Variants in DDX5 observed in about 807,000 individuals in gnomAD.
The protein encoded by DDX5 is probable ATP-dependent RNA helicase DDX5.
Under a neutral mutation model 68.6 loss-of-function variants are expected in DDX5, and 6 were observed. That is an observed-to-expected ratio of 0.09 (90% CI 0.05 to 0.17). The LOEUF (loss-of-function observed/expected upper bound fraction) is 0.17. DDX5 is among the 10% of genes least tolerant of loss of function. The pLI is 1.00. For synonymous variants in DDX5, 350 were observed against 247.0 expected (o/e 1.42, Z -3.91); for missense variants, 499 against 756.1 (o/e 0.66, Z 3.99).
Position 64,503,842 on chromosome 17 carries a change from G to A in DDX5, c.468C>T (p.Ile156=). The change falls in exon 5 of 13, where the codon ATC becomes ATT. Residue 156 remains isoleucine, a synonymous_variant. Coordinates refer to ENST00000225792, the MANE Select transcript of DDX5 (RefSeq NM_004396.5). ...LSYLLPAIVH[I]NHQPFLERGD... ...CTCTCTCTAGGAATGGCTGATGATT[G>A]ATGTGGACAATGGCAGGAAGCAAAT... 1 of 1,614,226 alleles carries A rather than the reference G, an allele frequency of 6.2e-7. No individual in the cohort carries two copies. The highest frequency in any genetic ancestry group is 8.5e-7 in the Non-Finnish European group (1 of 1,180,042).
chr17:64,502,287 C>CA (rs1555671234), intron 9 of DDX5, 64 bp from the exon 10 acceptor site: 1 of 1,568,960 alleles, frequency 6.4e-7, no homozygotes, highest in Non-Finnish European at 8.8e-7. Flanking sequence ...CAGTGCTTGA[C>CA]CACTTTTGGT....
In DDX5 at chr17:64,500,344, G is replaced by T. The variant is rs200178078; in HGVS notation, c.1442-18C>A. 3 of 1,589,772 alleles carry T rather than the reference G, an allele frequency of 1.9e-6. No individual in the cohort carries two copies. The African/African-American group carries it at 4.1e-5, about 21-fold the overall frequency. On this transcript the variant is annotated intron_variant, in intron 12 of 12. Coordinates refer to ENST00000225792, the MANE Select transcript of DDX5 (RefSeq NM_004396.5). ...GGAACGACCTGTCAAGAAAACAATT[G>T]CAAATTGATCAATTATGTCTATGAC...
rs985196446 is a variant in DDX5 at position 64,502,372 on chromosome 17, T to C, written c.1094+67A>G. The C allele has an allele frequency of 3.3e-5, 48 of 1,447,730 alleles. No homozygotes were observed. In the African/African-American group the frequency reaches 6.5e-4, roughly 20 times the overall value. 89.7% of individuals were successfully genotyped at this position (1,447,730 alleles called of 1,614,324 possible). ...AGATATGAAAAAAATCCACTGCTCG[T>C]GATCCAAGTTTGCCCTTTCCTAAGC... On this transcript the variant is annotated intron_variant, in intron 9 of 12. Transcript: ENST00000225792.
chr17:64,506,604 T>G (rs2038540314), upstream of DDX5: 4 of 383,346 alleles, frequency 1.0e-5, no homozygotes, highest in South Asian at 1.1e-4. Context: ...GATGTTTACG[T>G]CTCCAAAGAG....
rs782113646 is a variant in DDX5, at chr17:64,506,181, G to A, written c.-62C>T. 7.6e-6 allele frequency: 12 copies of A among 1,588,750 alleles called. No homozygotes were observed. The East Asian group carries it at 2.5e-4, about 33-fold the overall frequency. On this transcript the variant is annotated 5_prime_UTR_variant, in exon 1 of 13. Transcript: ENST00000225792. ...ATAGAAAAGCGTGCGACAAGTCGCT[G>A]GAAATGGCCTCGATGACGGCGAAGC...
In DDX5 at chr17:64,504,799, A is replaced by G. The variant is rs781858916; in HGVS notation, c.88T>C (p.Ser30Pro). 8 of 1,613,818 alleles carry G rather than the reference A, an allele frequency of 5.0e-6. No individual in the cohort carries two copies. The highest frequency in any genetic ancestry group is 4.0e-5 in the African/African-American group (3 of 74,904). Residue 30 changes from serine to proline, a missense_variant, in exon 2 of 13, where the codon TCT (serine) becomes CCT (proline). Around this residue, in one of 5 missense-constraint regions of DDX5, gnomAD observed 140 missense variants for 135.7 expected, o/e 1.03. Coordinates refer to ENST00000225792, the MANE Select transcript of DDX5 (RefSeq NM_004396.5). ...CCAGGGTTTCCAAACTTCTTTCCAG[A>G]TAAGGGCCCTGCCCTACTTCCTCCA... is the stretch of plus-strand genomic sequence containing the variant. ...RFGGSRAGPL[S>P]GKKFGNPGEK...
In DDX5 at chr17:64,506,159, G is replaced by A. The variant is rs1192890550; in HGVS notation, c.-40C>T. 15 of 1,603,500 alleles carry A rather than the reference G, an allele frequency of 9.4e-6. No homozygotes were observed. Among genetic ancestry groups the A allele is most frequent in the Middle Eastern group, 1.6e-4 (1 of 6,082 alleles). On this transcript the variant is annotated 5_prime_UTR_variant, in exon 1 of 13. Transcript: ENST00000225792. Reference sequence around the variant, plus strand: ...CGGTTGGCGGGGAACGAAGTATATAGAAAAGCGTGCGACAAGTCGCTGGAA... The same window carrying A: ...CGGTTGGCGGGGAACGAAGTATATAAAAAAGCGTGCGACAAGTCGCTGGAA...
rs1440633188 is a variant in DDX5 at position 64,503,103 on chromosome 17, TG to T, written c.811-6del. ...CATTAGAGTTTGCCTATCAGGCTAA[TG>T]GATTTTGGGGGGAAAAATTAGTATC... On this transcript the variant is annotated splice_polypyrimidine_tract_variant and splice_region_variant and intron_variant, in intron 7 of 12. Transcript: ENST00000225792. 3 of 1,612,628 alleles carry T rather than the reference TG, an allele frequency of 1.9e-6. No individual in the cohort carries two copies. The highest frequency in any genetic ancestry group is 2.5e-6 in the Non-Finnish European group (3 of 1,178,988).
intron 8 of DDX5, 67 bp from the exon 9 acceptor site, chr17:64,502,616 A>G: frequency 8.7e-7 from 1 of 1,145,244 alleles, no homozygotes. Flanking sequence ...CCACACATTT[A>G]TGGTCAGCAA....
intron 6 of DDX5, 30 bp from the exon 7 acceptor site, chr17:64,503,378 A>T: frequency 6.2e-7 from 1 of 1,614,058 alleles, no homozygotes; most frequent in Non-Finnish European, 8.5e-7. Flanking sequence ...TGTAACTACA[A>T]TACCTAGGAT....
chr17:64,499,967 C>G lies in DDX5; in HGVS notation c.1801G>C (p.Ala601Pro), dbSNP rs781919220. Residue 601 changes from alanine to proline, a missense_variant, in exon 13 of 13, where the codon GCA (alanine) becomes CCA (proline). By Grantham distance (27) the Ala-to-Pro change is conservative. Coordinates refer to ENST00000225792, the MANE Select transcript of DDX5 (RefSeq NM_004396.5). ...GGCATTGGATAACCAATCATAGGTG[C>G]AGCTGCAGTAGCAGGATATGCATAT... ...QAYAYPATAA[A>P]PMIGYPMPTG... 48 of 1,612,236 alleles carry G rather than the reference C, an allele frequency of 3.0e-5. No individual in the cohort carries two copies. In the Admixed American group the frequency reaches 8.0e-4, roughly 27 times the overall value.
intron 1 of DDX5, 24 bp from the exon 2 acceptor site, chr17:64,504,866 C>A: frequency 6.3e-7 from 1 of 1,586,926 alleles, no homozygotes. Flanking sequence ...AAACGTTATT[C>A]ACATTTTCAA....
intron 3 of DDX5, 30 bp from the exon 4 acceptor site, chr17:64,504,146 A>T (rs782084601): frequency 3.7e-6 from 6 of 1,613,606 alleles, no homozygotes; most frequent in Non-Finnish European, 5.1e-6. Context: ...TTTAGTAAAA[A>T]TTAGTGATGC....
intron 1 of DDX5, 36 bp downstream of exon 1, chr17:64,506,040 A>ACCCCCCCCC: frequency 8.5e-6 from 3 of 353,532 alleles, no homozygotes; most frequent in Admixed American, 4.9e-5. Flanking sequence ...CCATCCCCCC[A>ACCCCCCCCC]CCCGCCAGGC....
chr17:64,506,677 A>AC (rs1164413340), upstream of DDX5: 8 of 223,636 alleles, frequency 3.6e-5, no homozygotes, highest in South Asian at 1.4e-4. Context: ...TGGCTGTACC[A>AC]CCCCGGACCA....
At chr17:64,505,916 G>A (rs554763001) in intron 1 of DDX5, 160 bp downstream of exon 1, 2 of 1,534,424 alleles carry the variant, frequency 1.3e-6, no homozygotes, top group South Asian at 2.4e-5. Flanking sequence ...TCCAATCACT[G>A]TGACGTGAAT....
chr17:64,504,379 A>G, intron 2 of DDX5, 61 bp from the exon 3 acceptor site: 1 of 1,387,104 alleles, frequency 7.2e-7, no homozygotes, highest in Non-Finnish European at 1.0e-6. Context: ...TAAATACGTA[A>G]TTGATAAGCC....
upstream of DDX5, chr17:64,506,757 GA>G: frequency 2.0e-6 from 1 of 498,104 alleles, no homozygotes; most frequent in Non-Finnish European, 3.6e-6. Flanking sequence ...TAGCTCACCG[GA>G]AGTGCGCTGC....
chr17:64,506,709 C>G (rs1568112751), upstream of DDX5: 3 of 411,150 alleles, frequency 7.3e-6, no homozygotes, highest in South Asian at 5.2e-5. Flanking sequence ...GTCCGCACTA[C>G]TTTCCCGTTG....
Sources: allele counts gnomAD v4.1 joint callset, GRCh38; gene constraint gnomAD v4.1.1; regional missense constraint gnomAD v4.1.1; transcripts MANE v1.5; gene names NCBI Gene and HGNC (gene_info 2026-07-23, HGNC 2026-07-21).